The following GRIN1 variants were observed in gnomAD, a reference collection of about 807,000 sequenced individuals.
The protein encoded by GRIN1 is glutamate ionotropic receptor NMDA type subunit 1, also known as glutamate receptor ionotropic, NMDA 1.
GRIN1 carries 38 observed loss-of-function variants against 103.0 expected under a neutral mutation model. The observed-to-expected ratio is 0.37, with a 90% confidence interval of 0.28 to 0.48. The LOEUF is 0.48. GRIN1 is among the 20% of genes least tolerant of loss of function. GRIN1 has a pLI of 0.98. For synonymous variants in GRIN1, 544 were observed against 532.7 expected (o/e 1.02, Z -0.29); for missense variants, 577 against 1,288.9 (o/e 0.45, Z 8.46).
intron 2 of GRIN1, 151 bp downstream of exon 2, chr9:137,142,298 C>T (rs1173826568): frequency 2.6e-6 from 2 of 758,232 alleles, no homozygotes; most frequent in East Asian, 2.6e-5. Flanking sequence ...TCCACACGCT[C>T]TCACGTGTCC....
intron 2 of GRIN1, among the ~76,000 whole-genome samples, chr9:137,144,612 A>G (rs913684580): frequency 2.8e-4 from 40 of 142,302 alleles, no homozygotes; most frequent in African/African-American, 5.4e-4. Flanking sequence ...CCGAGATTGC[A>G]CTCCAGCCTG....
chr9:137,151,130 G>A (rs1454533203), intron 4 of GRIN1, among the ~76,000 whole-genome samples: 1 of 110,118 alleles, frequency 9.1e-6, no homozygotes, highest in African/African-American at 3.6e-5. Flanking sequence ...CGCGCCCGGG[G>A]AAAGCCCTGC....
chr9:137,144,800 G>A (rs112543199), intron 2 of GRIN1, among the ~76,000 whole-genome samples: 14 of 9,442 alleles, frequency 1.5e-3, no homozygotes, highest in Non-Finnish European at 2.3e-3. Flanking sequence ...TAGGGACAGG[G>A]GTGGGAGACA....
At chr9:137,143,136 A>G (rs1832266398) in intron 2 of GRIN1, among the ~76,000 whole-genome samples, 1 of 152,258 alleles carries the variant, frequency 6.6e-6, no homozygotes, top group Admixed American at 6.5e-5. Flanking sequence ...CTGAGGAGCC[A>G]GAGGGCTGGG....
chr9:137,161,245 T>C lies in GRIN1; in HGVS notation c.1340-44T>C, dbSNP rs770892182. Reference sequence around the variant, plus strand: ...GGGGCGCGGGGCAGGGCGCGGGGCGTGGGGCGGTCTGGAGCCCAGCAGTTA... The same window carrying C: ...GGGGCGCGGGGCAGGGCGCGGGGCGCGGGGCGGTCTGGAGCCCAGCAGTTA... On this transcript the variant is annotated intron_variant, in intron 9 of 19. Transcript: ENST00000371561. The C allele has an allele frequency of 4.3e-6, 7 of 1,609,948 alleles. No homozygotes were observed. The South Asian group carries it at 5.5e-5, about 13-fold the overall frequency.
chr9:137,140,654 T>C (rs1832118025), intron 1 of GRIN1, among the ~76,000 whole-genome samples: 1 of 152,176 alleles, frequency 6.6e-6, no homozygotes, highest in African/African-American at 2.4e-5. Flanking sequence ...CGTGCAAACA[T>C]GCACATTTAC....
rs1175519182 is a variant in GRIN1 at position 137,145,145 on chromosome 9, G to C, written c.394-581G>C. Among the ~76,000 whole-genome samples the C allele has an allele frequency of 2.2e-4, 2 of 9,070 alleles. 1 individual carries two copies. Among genetic ancestry groups the C allele is most frequent in the Admixed American group, 1.9e-3 (2 of 1,066 alleles). 6.0% of individuals were successfully genotyped at this position (9,070 alleles called of 152,430 possible). A position where few individuals can be genotyped will look rare whatever the true frequency, so the allele number is the denominator to read the frequency against. Reference sequence around the variant, plus strand: ...AAGTGTCCCCAGAGGGGTGGGGACCGGGGTGAGAGGAAGGGGGTCCCAGGG... The same window carrying C: ...AAGTGTCCCCAGAGGGGTGGGGACCCGGGTGAGAGGAAGGGGGTCCCAGGG... On this transcript the variant is annotated intron_variant, in intron 2 of 19. Transcript: ENST00000371561.
chr9:137,140,012 A>G (rs573507386), intron 1 of GRIN1, among the ~76,000 whole-genome samples: 1 of 152,238 alleles, frequency 6.6e-6, no homozygotes, highest in African/African-American at 2.4e-5. Context: ...TGGTGTGTGT[A>G]GACGTGGGGC....
At chr9:137,165,094 G>A (rs1833798567) in intron 18 of GRIN1, 92 bp from the exon 19 acceptor site, 7 of 934,454 alleles carry the variant, frequency 7.5e-6, no homozygotes, top group East Asian at 2.4e-5. Context: ...CCAAGTGGCC[G>A]GCCAGGCTGG....
At chr9:137,141,955 C>G in intron 1 of GRIN1, 58 bp from the exon 2 acceptor site, 1 of 1,601,014 alleles carries the variant, frequency 6.2e-7, no homozygotes, top group Non-Finnish European at 8.6e-7. Flanking sequence ...ATCTCAGCCT[C>G]TAACCCAGTG....
chr9:137,158,238 C>A, intron 6 of GRIN1, 141 bp from the exon 7 acceptor site: 2 of 919,958 alleles, frequency 2.2e-6, no homozygotes, highest in Non-Finnish European at 3.4e-6. Flanking sequence ...AAGGGAAAAG[C>A]CCAAGCTGCT....
chr9:137,146,995 A>C lies in GRIN1; in HGVS notation c.570+1093A>C, dbSNP rs1298470145. On this transcript the variant is annotated intron_variant, in intron 3 of 19. Transcript: ENST00000371561. This position sits in a 1 kb window ranked among gnomAD's most constrained non-coding sequence, Gnocchi z 6.7. ...GGCCCCACCCAAGACAGTGCCCCTC[A>C]CCCCAGTGCCCGACAGGCCCCTCCC... 3.3e-3 allele frequency among the ~76,000 whole-genome samples: 101 copies of C among 30,250 alleles called. No individual in the cohort carries two copies. The highest frequency in any genetic ancestry group is 0.014 in the South Asian group (14 of 996). 19.8% of individuals were successfully genotyped at this position (30,250 alleles called of 152,430 possible).
rs888061361 is a variant in GRIN1, at chr9:137,139,827, G to A, written c.258+83G>A. Reference sequence around the variant, plus strand: ...CCCCCAGTTTCATTCCATCCTTTCCGTGCCCCCTTCCTCCCTGTAAGACAC... The same window carrying A: ...CCCCCAGTTTCATTCCATCCTTTCCATGCCCCCTTCCTCCCTGTAAGACAC... On this transcript the variant is annotated intron_variant, in intron 1 of 19. Coordinates refer to ENST00000371561, the MANE Select transcript of GRIN1 (RefSeq NM_007327.4). This position sits in a 1 kb window ranked among gnomAD's most constrained non-coding sequence, Gnocchi z 7.7. 4.5e-6 allele frequency: 5 copies of A among 1,118,440 alleles called. No homozygotes were observed. The Admixed American group carries it at 8.7e-5, about 19-fold the overall frequency. The allele number at this position is 1,118,440 out of a possible 1,614,324, so 69.3% of individuals were successfully genotyped here.
Position 137,162,431 on chromosome 9 carries a change from C to T in GRIN1, c.1779C>T (p.Ser593=). Reference sequence around the variant, plus strand: ...CCTTCGGCCGGTTCAAGGTGAACAGCGAGGAGGAGGAGGAGGACGCACTGA... The same window carrying T: ...CCTTCGGCCGGTTCAAGGTGAACAGTGAGGAGGAGGAGGAGGACGCACTGA... ...FSPFGRFKVN[S]EEEEEDALTL... The change falls in exon 13 of 20, where the codon AGC becomes AGT. Residue 593 remains serine, a synonymous_variant. Transcript: ENST00000371561. The T allele has an allele frequency of 6.2e-7, 1 of 1,607,886 alleles. No homozygotes were observed. Among genetic ancestry groups the T allele is most frequent in the Non-Finnish European group, 8.5e-7 (1 of 1,178,900 alleles).
At chr9:137,163,444 C>A in intron 16 of GRIN1, 114 bp downstream of exon 16, 1 of 1,441,828 alleles carries the variant, frequency 6.9e-7, no homozygotes, top group Non-Finnish European at 9.7e-7. Flanking sequence ...AGGCCGGGCG[C>A]TGCCCACTCC....
chr9:137,141,465 G>A (rs979834401), intron 1 of GRIN1, among the ~76,000 whole-genome samples: 1 of 152,206 alleles, frequency 6.6e-6, no homozygotes, highest in African/African-American at 2.4e-5. Context: ...GTAAGGGCTT[G>A]GTGTTGTTCA....
chr9:137,145,677 C>T (rs779474881), intron 2 of GRIN1, 49 bp from the exon 3 acceptor site: 159 of 1,125,240 alleles, frequency 1.4e-4, no homozygotes, highest in Non-Finnish European at 1.7e-4. Flanking sequence ...GGTGGGAGGG[C>T]GGGTCCCCGC....
At position 137,161,217 on chromosome 9, in the gene GRIN1, C is replaced by T. The variant is rs1240984301; in HGVS notation, c.1339+20C>T. ...GCAGCCGTGAGTGCGCGGGGCAGGG[C>T]GCGGGGCGCGGGGCAGGGCGCGGGG... On this transcript the variant is annotated intron_variant, in intron 9 of 19. Coordinates refer to ENST00000371561, the MANE Select transcript of GRIN1 (RefSeq NM_007327.4). The T allele has an allele frequency of 3.7e-6, 6 of 1,602,458 alleles. No individual in the cohort carries two copies. The highest frequency in any genetic ancestry group is 5.1e-6 in the Non-Finnish European group (6 of 1,174,632).
chr9:137,141,931 C>T, intron 1 of GRIN1, 82 bp from the exon 2 acceptor site: 2 of 1,481,272 alleles, frequency 1.4e-6, no homozygotes, highest in Non-Finnish European at 1.9e-6. Context: ...GGGTTCAGCC[C>T]CTGCTGCTTC....
Sources: allele counts gnomAD v4.1 joint callset (sites outside exome capture counted in the v4.1 genomes callset), GRCh38; gene constraint gnomAD v4.1.1; non-coding constraint Gnocchi (gnomAD v3.1); transcripts MANE v1.5; gene names NCBI Gene and HGNC (gene_info 2026-07-23, HGNC 2026-07-21).